CFAP300: variants seen among roughly 807,000 people sequenced by gnomAD.
The protein encoded by CFAP300 is cilia- and flagella-associated protein 300.
In CFAP300, 32 loss-of-function variants were observed where a neutral mutation model predicts 33.0. That is an observed-to-expected ratio of 0.97 (90% CI 0.73 to 1.30). The LOEUF is 1.30. Among genes scored for constraint, CFAP300 ranks in the 50% most tolerant of loss-of-function variants. The pLI, the probability that CFAP300 is intolerant of heterozygous loss-of-function variation, is 0.00. For synonymous variants in CFAP300, 102 were observed against 106.8 expected, an observed-to-expected ratio of 0.95 and a Z score of 0.28; for missense variants, 356 against 318.1, an observed-to-expected ratio of 1.12 and a Z score of -0.90.
In CFAP300 at chr11:102,083,375, A is replaced by C; in HGVS notation, c.*176A>C. On this transcript the variant is annotated 3_prime_UTR_variant, in exon 7 of 7. Transcript: ENST00000434758. ...TTTTTAAAAATTTGTGTGGAATACT[A>C]ACCGGGGATCAAATTTCATCCATAA... The C allele has an allele frequency of 2.7e-6, 1 of 363,820 alleles. No individual in the cohort carries two copies. The highest frequency in any genetic ancestry group is 4.6e-6 in the Non-Finnish European group (1 of 215,100). The allele number at this position is 363,820 out of a possible 1,614,324, so 22.5% of individuals were successfully genotyped here.
rs758492644 is a variant in CFAP300 at position 102,058,887 on chromosome 11, T to TCC, written c.201_202insCC (p.Lys68ProfsTer10). 2.9e-4 allele frequency: 456 copies of TCC among 1,576,336 alleles called. 1 individual carries two copies. Among genetic ancestry groups the TCC allele is most frequent in the Non-Finnish European group, 1.1e-4 (123 of 1,161,972 alleles). ...CTCAAATTTGTATTTTAGGCTTTTT[T>TCC]CAAAGACCCAAATGTTATTCCCAAT... On this transcript the variant is annotated frameshift_variant, in exon 3 of 7. Transcript: ENST00000434758. LOFTEE classifies it high-confidence loss of function.
intron 5 of CFAP300, among the ~76,000 whole-genome samples, chr11:102,079,961 G>A (rs998927786): frequency 6.6e-6 from 1 of 152,070 alleles, no homozygotes; most frequent in Admixed American, 6.6e-5. Flanking sequence ...TGAGTTGTGT[G>A]ATCTTTAAAT....
chr11:102,057,645 A>ACT (rs1424851452), intron 2 of CFAP300, among the ~76,000 whole-genome samples: 1 of 152,224 alleles, frequency 6.6e-6, no homozygotes, highest in East Asian at 1.9e-4. Flanking sequence ...CCCAAAATGC[A>ACT]AGGAACTCCC....
At chr11:102,075,205 A>G (rs1347386870) in intron 4 of CFAP300, among the ~76,000 whole-genome samples, 1 of 152,230 alleles carries the variant, frequency 6.6e-6, no homozygotes, top group Non-Finnish European at 1.5e-5. Context: ...ACTACAATCG[A>G]TAAATGAATC....
At chr11:102,074,592 A>C (rs926317661) in intron 4 of CFAP300, among the ~76,000 whole-genome samples, 12 of 152,018 alleles carry the variant, frequency 7.9e-5, no homozygotes, top group African/African-American at 2.9e-4. Flanking sequence ...CCATCTTGAC[A>C]TCCCTCCCAT....
At chr11:102,048,485 A>AC (rs1941921507) in intron 2 of CFAP300, among the ~76,000 whole-genome samples, 2 of 151,880 alleles carry the variant, frequency 1.3e-5, no homozygotes, top group Non-Finnish European at 2.9e-5. Context: ...GCGAGCCACC[A>AC]CCCCCAGCCT....
intron 2 of CFAP300, among the ~76,000 whole-genome samples, chr11:102,048,495 T>C (rs1251122694): frequency 1.3e-5 from 2 of 152,144 alleles, no homozygotes; most frequent in Admixed American, 6.6e-5. Flanking sequence ...ACCCCCAGCC[T>C]CTCTTTTTCA....
intron 2 of CFAP300, among the ~76,000 whole-genome samples, chr11:102,049,944 A>G (rs2135009468): frequency 6.6e-6 from 1 of 152,122 alleles, no homozygotes; most frequent in Non-Finnish European, 1.5e-5. Context: ...TGAGCCCAGG[A>G]GTTTGAGACC....
intron 4 of CFAP300, among the ~76,000 whole-genome samples, chr11:102,073,474 G>C (rs2135043640): frequency 6.6e-6 from 1 of 152,264 alleles, no homozygotes; most frequent in Non-Finnish European, 1.5e-5. Flanking sequence ...CAGGCCAGAG[G>C]GGCTGTCCTC....
intron 5 of CFAP300, among the ~76,000 whole-genome samples, chr11:102,077,604 G>T (rs901322061): frequency 1.3e-5 from 2 of 151,956 alleles, no homozygotes; most frequent in Non-Finnish European, 2.9e-5. Context: ...GAGTCTCACC[G>T]TGTCACCCAG....
chr11:102,067,619 T>G (rs762280083), intron 4 of CFAP300, among the ~76,000 whole-genome samples: 6 of 152,242 alleles, frequency 3.9e-5, no homozygotes, highest in Non-Finnish European at 7.3e-5. Flanking sequence ...AAGTGCCCAT[T>G]CTACCTTCTT....
At chr11:102,056,544 C>G (rs1199690265) in intron 2 of CFAP300, among the ~76,000 whole-genome samples, 1 of 152,052 alleles carries the variant, frequency 6.6e-6, no homozygotes, top group African/African-American at 2.4e-5. Context: ...TCTTTCACTG[C>G]TCTTGAAATT....
intron 2 of CFAP300, among the ~76,000 whole-genome samples, chr11:102,054,809 GTGATCACTTGAAGGGAA>G (rs1421343117): frequency 2.0e-5 from 3 of 150,890 alleles, no homozygotes; most frequent in Middle Eastern, 3.5e-3. Context: ...GGAAAAGTGA[GTGATCACTTGAAGGGAA>G]TGTTGAAAAA....
At chr11:102,062,053 G>A (rs1334767084) in intron 3 of CFAP300, among the ~76,000 whole-genome samples, 2 of 152,114 alleles carry the variant, frequency 1.3e-5, no homozygotes, top group Non-Finnish European at 2.9e-5. Flanking sequence ...AATAAATTAG[G>A]TTTAGATGAG....
At chr11:102,062,381 C>A (rs904136225) in intron 3 of CFAP300, among the ~76,000 whole-genome samples, 2 of 152,120 alleles carry the variant, frequency 1.3e-5, no homozygotes, top group Admixed American at 6.5e-5. Flanking sequence ...GGCTTTGGAA[C>A]TGAATGATGG....
intron 6 of CFAP300, 109 bp from the exon 7 acceptor site, chr11:102,082,962 A>G: frequency 2.2e-6 from 1 of 458,272 alleles, no homozygotes; most frequent in Admixed American, 5.4e-5. Flanking sequence ...GCGCCACTGC[A>G]CTCCAGCCTG....
intron 4 of CFAP300, 60 bp downstream of exon 4, chr11:102,066,711 C>A: frequency 6.7e-7 from 1 of 1,496,012 alleles, no homozygotes; most frequent in Non-Finnish European, 9.0e-7. Context: ...GCAAAAATGG[C>A]AAAAACTTTG....
chr11:102,047,950 C>A, intron 2 of CFAP300, 54 bp downstream of exon 2: 2 of 1,560,692 alleles, frequency 1.3e-6, no homozygotes, highest in East Asian at 2.3e-5. Flanking sequence ...TTAAACTTCC[C>A]CCCAAGTTGG....
chr11:102,070,035 T>A (rs1269049562), intron 4 of CFAP300, among the ~76,000 whole-genome samples: 1 of 152,204 alleles, frequency 6.6e-6, no homozygotes, highest in African/African-American at 2.4e-5. Context: ...AGAAATGTGT[T>A]AACTATTCAT....
Sources: gnomAD v4.1 joint callset for allele counts (sites outside exome capture counted in the v4.1 genomes callset) on GRCh38, gnomAD v4.1.1 for gene constraint, MANE v1.5 for transcripts, NCBI Gene and HGNC (gene_info 2026-07-23, HGNC 2026-07-21) for gene names.